Variants in LMF1 observed in about 807,000 individuals in gnomAD.
LMF1 encodes the protein transmembrane protein 112.
A neutral mutation model predicts 60.6 loss-of-function variants in LMF1; 68 were observed. That is an observed-to-expected ratio of 1.12 (90% CI 0.92 to 1.37). The LOEUF is 1.37. Ranked by LOEUF, LMF1 falls within the 40% of genes most tolerant of loss-of-function variation. The pLI is 0.00. For missense variants in LMF1, 948 were observed against 767.2 expected (o/e 1.24, Z -2.78); for synonymous variants, 418 against 324.7 (o/e 1.29, Z -3.09).
chr16:920,617 G>C (rs2071407236), intron 3 of LMF1, among the ~76,000 whole-genome samples: 1 of 152,230 alleles, frequency 6.6e-6, no homozygotes, highest in South Asian at 2.1e-4. Flanking sequence ...GTGGAAGGCA[G>C]GGAGAGGCCT....
chr16:914,939 T>G (rs1423016846), intron 3 of LMF1, among the ~76,000 whole-genome samples: 1 of 152,204 alleles, frequency 6.6e-6, no homozygotes, highest in Non-Finnish European at 1.5e-5. Context: ...CCGTAGTGAC[T>G]GACGCAGAGG....
At chr16:926,636 C>T (rs2071616274) in intron 3 of LMF1, among the ~76,000 whole-genome samples, 1 of 152,172 alleles carries the variant, frequency 6.6e-6, no homozygotes, top group Non-Finnish European at 1.5e-5. Context: ...AAGAAGACTA[C>T]CCTAAAAACA....
intron 1 of LMF1, among the ~76,000 whole-genome samples, chr16:977,955 CCACACACCATACA>C (rs1469303939): frequency 2.4e-5 from 3 of 126,900 alleles, no homozygotes; most frequent in African/African-American, 6.6e-5. Flanking sequence ...CGCACACACA[CCACACACCATACA>C]CACACCCCAC....
At chr16:966,176 G>C (rs1028495848) in intron 1 of LMF1, among the ~76,000 whole-genome samples, 1 of 152,180 alleles carries the variant, frequency 6.6e-6, no homozygotes, top group Admixed American at 6.5e-5. Flanking sequence ...GTCAGGAAGA[G>C]ATGCCTCACG....
rs201996962 is a variant in LMF1, at chr16:879,786, G to A, written c.730-49C>T. ...AGGTGCCTGGCCGATCTCGGGGGGC[G>A]GGGCTAGGGAGAGGCTTGTGGGTCC... On this transcript the variant is annotated intron_variant, in intron 5 of 10. Transcript: ENST00000262301. The A allele has an allele frequency of 8.5e-4, 1,301 of 1,527,324 alleles. 3 individuals are homozygous for A. Among genetic ancestry groups the A allele is most frequent in the Middle Eastern group, 3.2e-3 (18 of 5,606 alleles). The allele number at this position is 1,527,324 out of a possible 1,614,324, so 94.6% of individuals were successfully genotyped here.
intron 9 of LMF1, chr16:869,284 G>A (rs999451056): frequency 3.0e-6 from 2 of 674,134 alleles, no homozygotes; most frequent in Non-Finnish European, 5.4e-6. Flanking sequence ...TCCCCTGGCT[G>A]GGTGCCTTGG....
intron 2 of LMF1, among the ~76,000 whole-genome samples, chr16:936,022 T>C (rs1387140657): frequency 6.6e-6 from 1 of 152,222 alleles, no homozygotes; most frequent in African/African-American, 2.4e-5. Flanking sequence ...GTCCACACTA[T>C]TTATAGGTAA....
rs1254805197 is a variant in LMF1, at chr16:854,549, G to C, written c.1687C>G (p.Leu563Val). 8 of 1,608,386 alleles carry C rather than the reference G, an allele frequency of 5.0e-6. No individual in the cohort carries two copies. The highest frequency in any genetic ancestry group is 6.8e-6 in the Non-Finnish European group (8 of 1,179,176). The change falls in exon 11 of 11, where the codon CTG (leucine) becomes GTG (valine). Residue 563 changes from leucine to valine, a missense_variant. By Grantham distance (32) the Leu-to-Val change is conservative (BLOSUM62 1). Transcript: ENST00000262301. Reference sequence around the variant, plus strand: ...GTGCACGTCTAGAGGGGCCCGGGCAGAGGCCACCCACGGTCCCTGAAGTAG... The same window carrying C: ...GTGCACGTCTAGAGGGGCCCGGGCACAGGCCACCCACGGTCCCTGAAGTAG... ...RPYFRDRGWP[L>V]PGPL
chr16:893,936 G>A lies in LMF1; in HGVS notation c.664-864C>T, dbSNP rs142881811. Among the ~76,000 whole-genome samples the A allele has an allele frequency of 6.0e-4, 91 of 152,102 alleles. No individual in the cohort carries two copies. In the East Asian group the frequency reaches 8.5e-3, roughly 14 times the overall value. On this transcript the variant is annotated intron_variant, in intron 4 of 10. Coordinates refer to ENST00000262301, the MANE Select transcript of LMF1 (RefSeq NM_022773.4). The stretch of plus-strand genomic sequence containing the variant: ...GAGTCCCGCCTCCTCCATGACAGGG[G>A]TTTCTGCTGCACAACCACTCCCGGC...
At chr16:931,528 C>T (rs1030329372) in intron 3 of LMF1, 17 of 833,430 alleles carry the variant, frequency 2.0e-5, no homozygotes, top group South Asian at 4.9e-5. Flanking sequence ...TTCTCCCAGG[C>T]CGTCCCGAAC....
chr16:891,995 AT>A (rs2070502988), intron 5 of LMF1, among the ~76,000 whole-genome samples: 1 of 152,196 alleles, frequency 6.6e-6, no homozygotes, highest in Non-Finnish European at 1.5e-5. Flanking sequence ...GGGGCACTTG[AT>A]GGGCTATGGA....
intron 1 of LMF1, among the ~76,000 whole-genome samples, chr16:965,948 G>A (rs529308479): frequency 2.0e-5 from 3 of 152,280 alleles, no homozygotes; most frequent in Admixed American, 2.0e-4. Flanking sequence ...ACTGCAAGGA[G>A]CTAGAGGGGA....
rs112196843 is a variant in LMF1, at chr16:860,083, C to G, written c.1530-5377G>C. Among the ~76,000 whole-genome samples the G allele has an allele frequency of 2.7e-3, 413 of 151,946 alleles. 7 individuals carry two copies. The highest frequency in any genetic ancestry group is 9.6e-3 in the African/African-American group (394 of 41,226). ...GGTGAAACGTCTCTGTGCTCATTTTCTAATAAGATTATTTTAGTATTAAGT... is the reference window on the plus strand; with the variant it reads ...GGTGAAACGTCTCTGTGCTCATTTTGTAATAAGATTATTTTAGTATTAAGT... On this transcript the variant is annotated intron_variant, in intron 10 of 10. Transcript: ENST00000262301.
At position 954,743 on chromosome 16, in the gene LMF1, C is replaced by T. The variant is rs3751665; in HGVS notation, c.194-77G>A. On this transcript the variant is annotated intron_variant, in intron 1 of 10. Transcript: ENST00000262301. ...GACACCATGGGCGCAGCTCAGAATG[C>T]GGGGCGAGGCAGGCGGGAAGGGGAG... 572,738 of 1,392,308 alleles carry T rather than the reference C, an allele frequency of 0.41. 124,129 individuals carry two copies. Among genetic ancestry groups the T allele is most frequent in the African/African-American group, 0.75 (52,119 of 69,820 alleles). 86.2% of individuals were successfully genotyped at this position (1,392,308 alleles called of 1,614,324 possible). A position where few individuals can be genotyped will look rare whatever the true frequency, so the allele number is the denominator to read the frequency against.
In LMF1 at chr16:878,160, C is replaced by T. The variant is rs572636199; in HGVS notation, c.897+1410G>A. Among the ~76,000 whole-genome samples the T allele has an allele frequency of 1.3e-5, 2 of 152,266 alleles. No homozygotes were observed. Among genetic ancestry groups the T allele is most frequent in the African/African-American group, 4.8e-5 (2 of 41,532 alleles). ...CCCAAACACGCGTGGGGTCCGGCTA[C>T]ATGGAACCGACTGAAGCTATTCCAG... On this transcript the variant is annotated intron_variant, in intron 6 of 10. Coordinates refer to ENST00000262301, the MANE Select transcript of LMF1 (RefSeq NM_022773.4). This position sits in a 1 kb window ranked among gnomAD's most constrained non-coding sequence, Gnocchi z 5.2.
chr16:887,873 G>A (rs1319945049), intron 5 of LMF1, among the ~76,000 whole-genome samples: 1 of 152,152 alleles, frequency 6.6e-6, no homozygotes, highest in East Asian at 1.9e-4. Context: ...GCCCAGAGAC[G>A]CACCCCCAAG....
intron 3 of LMF1, among the ~76,000 whole-genome samples, chr16:925,992 T>C (rs1040814302): frequency 6.6e-6 from 1 of 150,408 alleles, no homozygotes; most frequent in African/African-American, 2.5e-5. Context: ...CATACGTGTC[T>C]GTATGCATGC....
chr16:954,727 G>C, intron 1 of LMF1, 61 bp from the exon 2 acceptor site: 2 of 1,483,848 alleles, frequency 1.3e-6, no homozygotes, highest in African/African-American at 1.4e-5. Flanking sequence ...GGACACCATG[G>C]GCGCAGCTCA....
rs765861000 is a variant in LMF1, at chr16:871,293, T to C, written c.946A>G (p.Met316Val). 9 of 1,612,356 alleles carry C rather than the reference T, an allele frequency of 5.6e-6. No individual in the cohort carries two copies. Among genetic ancestry groups the C allele is most frequent in the Middle Eastern group, 1.7e-4 (1 of 6,040 alleles). ...GNLSFLNWLTMVPSLACFDDA... is the reference protein window; with the variant it reads ...GNLSFLNWLTVVPSLACFDDA... ...TCAAAGCAGGCCAGGCTGGGCACCATAGTCAGCCAGTTCAGGAAGCTGAGG... is the reference window on the plus strand; with the variant it reads ...TCAAAGCAGGCCAGGCTGGGCACCACAGTCAGCCAGTTCAGGAAGCTGAGG... Residue 316 changes from methionine to valine, a missense_variant, in exon 7 of 11, where the codon ATG (methionine) becomes GTG (valine). Coordinates refer to ENST00000262301, the MANE Select transcript of LMF1 (RefSeq NM_022773.4).
Sources: allele counts gnomAD v4.1 joint callset (sites outside exome capture counted in the v4.1 genomes callset), GRCh38; gene constraint gnomAD v4.1.1; non-coding constraint Gnocchi (gnomAD v3.1); transcripts MANE v1.5; gene names NCBI Gene and HGNC (gene_info 2026-07-23, HGNC 2026-07-21).